The following RIMS1 variants were observed in gnomAD, a reference collection of about 807,000 sequenced individuals.
RIMS1 encodes regulating synaptic membrane exocytosis protein 1.
A neutral mutation model predicts 214.1 loss-of-function variants in RIMS1; 83 were observed. The ratio of observed to expected loss-of-function variants is 0.39; its 90% CI spans 0.32 to 0.47. The LOEUF (loss-of-function observed/expected upper bound fraction) is 0.47. Among genes scored for constraint, RIMS1 ranks in the 20% least tolerant of loss-of-function variants. The pLI is 0.99. For synonymous variants in RIMS1, 793 were observed against 786.8 expected, an observed-to-expected ratio of 1.01 and a Z score of -0.13; for missense variants, 2,050 against 2,161.8, an observed-to-expected ratio of 0.95 and a Z score of 1.03.
At chr6:72,312,421 A>C (rs1373727624) in intron 27 of RIMS1, among the ~76,000 whole-genome samples, 1 of 151,912 alleles carries the variant, frequency 6.6e-6, no homozygotes, top group African/African-American at 2.4e-5. Flanking sequence ...CAATTATAAC[A>C]TATATAAAAA....
chr6:72,222,930 G>A (rs181924724), intron 6 of RIMS1, among the ~76,000 whole-genome samples: 1 of 152,244 alleles, frequency 6.6e-6, no homozygotes, highest in East Asian at 1.9e-4. Flanking sequence ...AGTGTTGAGG[G>A]CACATAGACT....
At chr6:71,950,615 G>A (rs1789167136) in intron 1 of RIMS1, among the ~76,000 whole-genome samples, 1 of 152,166 alleles carries the variant, frequency 6.6e-6, no homozygotes, top group African/African-American at 2.4e-5. Flanking sequence ...ACCTTCAGTT[G>A]CAAAGCTATT....
intron 4 of RIMS1, among the ~76,000 whole-genome samples, chr6:72,138,436 T>A (rs2153874512): frequency 6.6e-6 from 1 of 152,272 alleles, no homozygotes; most frequent in Non-Finnish European, 1.5e-5. Context: ...AAAACTAATC[T>A]ACTTTTTATC....
At chr6:72,138,851 G>A (rs1341009614) in intron 4 of RIMS1, among the ~76,000 whole-genome samples, 1 of 152,118 alleles carries the variant, frequency 6.6e-6, no homozygotes, top group Non-Finnish European at 1.5e-5. Flanking sequence ...TTATGTTGCT[G>A]GTGGAAGTGT....
intron 2 of RIMS1, among the ~76,000 whole-genome samples, chr6:72,072,281 T>C (rs1443512187): frequency 1.3e-5 from 2 of 152,202 alleles, no homozygotes; most frequent in Admixed American, 1.3e-4. Flanking sequence ...ATTTTTTAAA[T>C]AATTGTGAAG....
At chr6:72,301,772 A>C (rs2154271162) in intron 26 of RIMS1, among the ~76,000 whole-genome samples, 1 of 151,740 alleles carries the variant, frequency 6.6e-6, no homozygotes, top group East Asian at 1.9e-4. Context: ...ATTTTATATA[A>C]GAAACTTGAG....
chr6:72,182,653 G>C lies in RIMS1; in HGVS notation c.1182G>C (p.Ala394=). The C allele has an allele frequency of 6.6e-7, 1 of 1,521,988 alleles. No homozygotes were observed. Among genetic ancestry groups the C allele is most frequent in the Admixed American group, 2.0e-5 (1 of 48,894 alleles). 94.3% of individuals were successfully genotyped at this position (1,521,988 alleles called of 1,614,324 possible). Residue 394 remains alanine, a synonymous_variant, in exon 6 of 34, where the codon GCG becomes GCC. Coordinates refer to ENST00000521978, the MANE Select transcript of RIMS1 (RefSeq NM_014989.7). ...ARHERRHSDV[A]LPRTEAGAAL... is the part of the protein sequence containing the mutation. ...ACGAGCGGCGCCACAGCGACGTGGC[G>C]CTCCCGCGCACCGAGGCGGGCGCGG...
At chr6:72,033,970 A>G (rs1335648170) in intron 2 of RIMS1, among the ~76,000 whole-genome samples, 4 of 152,178 alleles carry the variant, frequency 2.6e-5, no homozygotes, top group Admixed American at 6.6e-5. Flanking sequence ...CTTTTTCTAT[A>G]TAAGTGATAA....
intron 1 of RIMS1, among the ~76,000 whole-genome samples, chr6:71,956,202 A>G (rs1791230151): frequency 6.6e-6 from 1 of 152,022 alleles, no homozygotes; most frequent in Non-Finnish European, 1.5e-5. Context: ...CAAGGATTAA[A>G]TTTTCCCACG....
At chr6:72,063,483 G>A (rs961292228) in intron 2 of RIMS1, among the ~76,000 whole-genome samples, 13 of 152,238 alleles carry the variant, frequency 8.5e-5, no homozygotes, top group Non-Finnish European at 1.6e-4. Flanking sequence ...AGTAGCAGAT[G>A]TTAACCAGAG....
intron 2 of RIMS1, among the ~76,000 whole-genome samples, chr6:72,005,349 T>C (rs938245589): frequency 6.6e-6 from 1 of 152,192 alleles, no homozygotes; most frequent in African/African-American, 2.4e-5. Context: ...GACTTGGCGA[T>C]GCGGGCTCTT....
chr6:72,324,298 G>C (rs2096342900), intron 28 of RIMS1, among the ~76,000 whole-genome samples: 1 of 151,948 alleles, frequency 6.6e-6, no homozygotes, highest in African/African-American at 2.4e-5. Context: ...TGGGAGGGGA[G>C]TAAATGGAAG....
chr6:72,093,227 T>A (rs1586794310), intron 2 of RIMS1, among the ~76,000 whole-genome samples: 1 of 147,892 alleles, frequency 6.8e-6, no homozygotes, highest in Non-Finnish European at 1.5e-5. Context: ...TATATATATA[T>A]AAAAACATGT....
At chr6:71,968,507 C>T (rs377612114) in intron 1 of RIMS1, among the ~76,000 whole-genome samples, 63 of 152,216 alleles carry the variant, frequency 4.1e-4, no homozygotes, top group African/African-American at 1.5e-3. Flanking sequence ...TGCCTTGAGG[C>T]CTCTCAGATC....
chr6:72,270,075 G>T (rs926191607), intron 22 of RIMS1, among the ~76,000 whole-genome samples: 11 of 151,802 alleles, frequency 7.2e-5, no homozygotes, highest in Non-Finnish European at 1.5e-5. Context: ...TAGTATGTTT[G>T]TGTCTTCCAC....
chr6:72,317,976 A>G (rs2095904593), intron 28 of RIMS1, among the ~76,000 whole-genome samples: 1 of 152,164 alleles, frequency 6.6e-6, no homozygotes, highest in Admixed American at 6.5e-5. Flanking sequence ...TATGTAATAA[A>G]TCTCTTTATT....
Position 72,392,830 on chromosome 6 carries a change from T to C in RIMS1, c.4618+20T>C, listed in dbSNP as rs766156330. 1.2e-5 allele frequency: 17 copies of C among 1,405,696 alleles called. No individual in the cohort carries two copies. The South Asian group carries it at 1.7e-4, about 14-fold the overall frequency. 87.1% of individuals were successfully genotyped at this position (1,405,696 alleles called of 1,614,324 possible). ...CAATGGGTAAGAATCATTTTTTTTT[T>C]CTACAAGAAAATTGATGTTTTGTGT... On this transcript the variant is annotated intron_variant, in intron 31 of 33. Coordinates refer to ENST00000521978, the MANE Select transcript of RIMS1 (RefSeq NM_014989.7).
At position 72,290,726 on chromosome 6, in the gene RIMS1, C is replaced by T; in HGVS notation, c.3602C>T (p.Ala1201Val). The change falls in exon 25 of 34, where the codon GCA (alanine) becomes GTA (valine). Residue 1201 changes from alanine to valine, a missense_variant. Transcript: ENST00000521978. The part of the protein sequence containing the change: ...LSRRGHAAPR[A>V]TDQPVIRGKH... The stretch of plus-strand genomic sequence containing the variant: ...AGAAGGGGACACGCAGCCCCAAGAG[C>T]AACTGATCAGCCAGTCATTAGGGGA... The T allele has an allele frequency of 6.2e-7, 1 of 1,613,800 alleles. No homozygotes were observed. Among genetic ancestry groups the T allele is most frequent in the Non-Finnish European group, 8.5e-7 (1 of 1,179,764 alleles).
At chr6:72,234,254 T>A (rs963627595) in intron 7 of RIMS1, among the ~76,000 whole-genome samples, 2 of 152,034 alleles carry the variant, frequency 1.3e-5, no homozygotes, top group Non-Finnish European at 2.9e-5. Flanking sequence ...TAGTTCTAAA[T>A]GAAAATTTTT....
Sources: gnomAD v4.1 joint callset for allele counts (sites outside exome capture counted in the v4.1 genomes callset) on GRCh38, gnomAD v4.1.1 for gene constraint, MANE v1.5 for transcripts, NCBI Gene and HGNC (gene_info 2026-07-23, HGNC 2026-07-21) for gene names.